The following PDE4D variants were observed in gnomAD, a reference collection of about 807,000 sequenced individuals.
PDE4D encodes the protein 3',5'-cyclic-AMP phosphodiesterase 4D.
In PDE4D, 24 loss-of-function variants were observed where a neutral mutation model predicts 87.4. The observed-to-expected ratio is 0.27, with a 90% CI of 0.20 to 0.39. The LOEUF (loss-of-function observed/expected upper bound fraction) is 0.39, where lower values mean the gene tolerates loss of function less well. PDE4D is among the 10% of genes least tolerant of loss of function. The probability of loss-of-function intolerance (pLI) is 1.00; values close to 1 mark genes in which losing one functional copy is unlikely to be tolerated. For synonymous variants in PDE4D, 384 were observed against 383.2 expected, an observed-to-expected ratio of 1.00 and a Z score of -0.02; for missense variants, 714 against 1,041.0, an observed-to-expected ratio of 0.69 and a Z score of 4.32.
chr5:59,184,921 T>C (rs1742540809), intron 4 of PDE4D, among the ~76,000 whole-genome samples: 1 of 152,186 alleles, frequency 6.6e-6, no homozygotes, highest in Non-Finnish European at 1.5e-5. Flanking sequence ...ACCCTGAGTG[T>C]AAATAACTGG....
chr5:59,025,988 G>A (rs1350650210), intron 6 of PDE4D, among the ~76,000 whole-genome samples: 3 of 152,228 alleles, frequency 2.0e-5, no homozygotes, highest in Admixed American at 1.3e-4. Flanking sequence ...GATGCTGATG[G>A]GAATGCAAGC....
At position 60,000,671 on chromosome 5, in the gene PDE4D, G is replaced by A. The variant is rs191043142; in HGVS notation, c.43-11954C>T. Among the ~76,000 whole-genome samples, 52 of 152,230 alleles carry A rather than the reference G, an allele frequency of 3.4e-4. 1 individual carries two copies. The highest frequency in any genetic ancestry group is 1.2e-3 in the African/African-American group (48 of 41,540). On this transcript the variant is annotated intron_variant, in intron 2 of 16. Coordinates refer to the PDE4D transcript ENST00000502484. ...AATCGTATAATATTGCAATGGTGGT[G>A]CATAAATTATTTTTAACTCTGGTAT...
At chr5:59,380,877 T>G (rs1200621031) in intron 1 of PDE4D, among the ~76,000 whole-genome samples, 1 of 152,232 alleles carries the variant, frequency 6.6e-6, no homozygotes, top group African/African-American at 2.4e-5. Flanking sequence ...CACTACTTTT[T>G]TTCATTTTGT....
intron 1 of PDE4D, among the ~76,000 whole-genome samples, chr5:59,779,891 G>C (rs933815990): frequency 6.6e-6 from 1 of 152,054 alleles, no homozygotes; most frequent in African/African-American, 2.4e-5. Flanking sequence ...AATTTTAATA[G>C]AAACTGCCAA....
intron 1 of PDE4D, among the ~76,000 whole-genome samples, chr5:59,599,282 C>T (rs918976706): frequency 2.7e-5 from 4 of 147,388 alleles, no homozygotes; most frequent in Non-Finnish European, 4.5e-5. Flanking sequence ...AGTGCAATGG[C>T]GCAATCTTGG....
intron 1 of PDE4D, among the ~76,000 whole-genome samples, chr5:59,523,049 G>A (rs921109486): frequency 6.6e-6 from 1 of 152,126 alleles, no homozygotes; most frequent in Non-Finnish European, 1.5e-5. Context: ...CTAAATTGGG[G>A]TGGTTGGCTT....
intron 5 of PDE4D, among the ~76,000 whole-genome samples, chr5:59,081,614 T>A (rs1186434771): frequency 6.6e-6 from 1 of 152,082 alleles, no homozygotes; most frequent in Admixed American, 6.6e-5. Flanking sequence ...TCCATATGGT[T>A]ATACAATTAT....
chr5:59,635,543 G>T (rs949155729), intron 1 of PDE4D, among the ~76,000 whole-genome samples: 4 of 152,142 alleles, frequency 2.6e-5, no homozygotes, highest in African/African-American at 4.8e-5. Flanking sequence ...TATCCACCAC[G>T]ATCAAGTCGG....
At chr5:59,759,532 T>C (rs141911931) in intron 1 of PDE4D, among the ~76,000 whole-genome samples, 180 of 152,352 alleles carry the variant, frequency 1.2e-3, no homozygotes, top group Admixed American at 2.0e-3. Context: ...ATCCCTGTAA[T>C]TCCTTAAACA....
At chr5:59,736,553 C>T (rs1310925144) in intron 1 of PDE4D, among the ~76,000 whole-genome samples, 1 of 151,938 alleles carries the variant, frequency 6.6e-6, no homozygotes, top group Non-Finnish European at 1.5e-5. Flanking sequence ...GTGGTGCACA[C>T]CTGTAATCCT....
chr5:59,109,524 A>C (rs984445583), intron 5 of PDE4D, among the ~76,000 whole-genome samples: 2 of 152,216 alleles, frequency 1.3e-5, no homozygotes, highest in African/African-American at 4.8e-5. Context: ...AAGGGCTAGC[A>C]GAGGACAATT....
chr5:59,013,334 A>G (rs540683148), intron 6 of PDE4D, among the ~76,000 whole-genome samples: 2 of 152,188 alleles, frequency 1.3e-5, no homozygotes, highest in Admixed American at 1.3e-4. Flanking sequence ...ACACAAAAAA[A>G]CCTTCAAAAA....
chr5:60,278,190 T>C lies in PDE4D; in HGVS notation c.-89-92503A>G, dbSNP rs528152753. Among the ~76,000 whole-genome samples, 136 of 152,248 alleles carry C rather than the reference T, an allele frequency of 8.9e-4. 1 individual carries two copies. In the South Asian group the frequency reaches 0.014, roughly 16 times the overall value. On this transcript the variant is annotated intron_variant, in intron 1 of 16. Transcript: ENST00000502484. ...CTAAAGAGGGTGTTTTCACTCAGTA[T>C]AGGTCACAATTCTTATCTTTCAGCA... is the stretch of plus-strand genomic sequence containing the variant.
chr5:60,176,364 T>G (rs1317226763), intron 2 of PDE4D, among the ~76,000 whole-genome samples: 2 of 152,106 alleles, frequency 1.3e-5, no homozygotes, highest in Non-Finnish European at 2.9e-5. Context: ...TTTAAATTAA[T>G]GAATAGGTAG....
At chr5:59,444,752 C>A (rs1038683737) in intron 1 of PDE4D, among the ~76,000 whole-genome samples, 1 of 152,102 alleles carries the variant, frequency 6.6e-6, no homozygotes, top group African/African-American at 2.4e-5. Flanking sequence ...GCGGAGCTTG[C>A]AGTGAGCCGA....
chr5:59,358,192 G>A (rs1184554762), intron 1 of PDE4D, among the ~76,000 whole-genome samples: 1 of 152,188 alleles, frequency 6.6e-6, no homozygotes, highest in East Asian at 1.9e-4. Context: ...TTTCATATCA[G>A]CTTTGGAGAC....
At chr5:60,115,374 C>T (rs1778077920) in intron 2 of PDE4D, among the ~76,000 whole-genome samples, 1 of 152,160 alleles carries the variant, frequency 6.6e-6, no homozygotes, top group Middle Eastern at 3.4e-3. Flanking sequence ...ACAGAAACAC[C>T]TTCAGGGTGT....
Position 58,993,608 on chromosome 5 carries a change from T to G in PDE4D, c.922-143A>C, listed in dbSNP as rs181529868. On this transcript the variant is annotated intron_variant, in intron 6 of 14. Coordinates refer to ENST00000340635, the MANE Select transcript of PDE4D (RefSeq NM_001104631.2). ...TTAGAACAGTGCCTTCCAGCAGAAC[T>G]TTCTTCAATGAGGGGAAAACACCAT... 7.1e-5 allele frequency: 38 copies of G among 538,092 alleles called. No homozygotes were observed. The African/African-American group carries it at 7.4e-4, about 10-fold the overall frequency. The allele number at this position is 538,092 out of a possible 1,614,324, so 33.3% of individuals were successfully genotyped here.
intron 1 of PDE4D, among the ~76,000 whole-genome samples, chr5:60,487,265 C>A (rs992512755): frequency 6.6e-6 from 1 of 152,200 alleles, no homozygotes; most frequent in Non-Finnish European, 1.5e-5. Flanking sequence ...CACATACTTT[C>A]TTCTGTTATG....
Sources: allele counts gnomAD v4.1 joint callset (sites outside exome capture counted in the v4.1 genomes callset), GRCh38; gene constraint gnomAD v4.1.1; transcripts MANE v1.5; gene names NCBI Gene and HGNC (gene_info 2026-07-23, HGNC 2026-07-21).